TTC28: variants seen among roughly 807,000 people sequenced by gnomAD.
TTC28 encodes the protein tetratricopeptide repeat protein 28.
Under a neutral mutation model 198.0 loss-of-function variants are expected in TTC28, and 61 were observed. That is an observed-to-expected ratio of 0.31 (90% CI 0.25 to 0.38). The LOEUF is 0.38. Among genes scored for constraint, TTC28 ranks in the 10% least tolerant of loss-of-function variants. TTC28 has a pLI of 1.00. For missense variants in TTC28, 2,678 were observed against 3,164.0 expected (o/e 0.85, Z 3.69); for synonymous variants, 1,171 against 1,297.8 (o/e 0.90, Z 2.10).
intron 2 of TTC28, among the ~76,000 whole-genome samples, chr22:28,335,518 C>A (rs896570456): frequency 6.7e-6 from 1 of 149,800 alleles, no homozygotes. Context: ...GTTTGTTGGG[C>A]AGTGGTTTGT....
At chr22:28,187,067 A>G (rs1924265678) in intron 5 of TTC28, among the ~76,000 whole-genome samples, 1 of 152,198 alleles carries the variant, frequency 6.6e-6, no homozygotes, top group Admixed American at 6.5e-5. Flanking sequence ...TTTGTTTCCC[A>G]AATTCTAAGA....
chr22:28,309,779 C>G (rs1372553682), intron 2 of TTC28, among the ~76,000 whole-genome samples: 1 of 152,070 alleles, frequency 6.6e-6, no homozygotes, highest in African/African-American at 2.4e-5. Context: ...ACACCACATA[C>G]TGGTCATTGG....
chr22:28,641,537 G>A (rs1296081047), intron 1 of TTC28, among the ~76,000 whole-genome samples: 4 of 152,134 alleles, frequency 2.6e-5, no homozygotes, highest in Non-Finnish European at 5.9e-5. Context: ...GACTCTTAAT[G>A]GCACCAGATT....
At chr22:28,527,147 C>T (rs2049018281) in intron 2 of TTC28, among the ~76,000 whole-genome samples, 1 of 152,166 alleles carries the variant, frequency 6.6e-6, no homozygotes, top group African/African-American at 2.4e-5. Context: ...GTGCTGAGAA[C>T]ATATAGTCTA....
intron 12 of TTC28, among the ~76,000 whole-genome samples, chr22:28,061,733 A>G (rs954751225): frequency 1.3e-5 from 2 of 152,200 alleles, no homozygotes; most frequent in African/African-American, 4.8e-5. Flanking sequence ...ACTTTAAAGT[A>G]GTTTTTTCCA....
chr22:28,154,649 C>T (rs1205664464), intron 6 of TTC28, among the ~76,000 whole-genome samples: 1 of 152,056 alleles, frequency 6.6e-6, no homozygotes, highest in Non-Finnish European at 1.5e-5. Context: ...AGCCACCACG[C>T]TCAGAAGATG....
chr22:28,192,257 G>A (rs987990520), intron 5 of TTC28, among the ~76,000 whole-genome samples: 26 of 151,984 alleles, frequency 1.7e-4, no homozygotes, highest in Non-Finnish European at 2.4e-4. Context: ...ACTAACAAAC[G>A]GAAAGGACAT....
chr22:28,311,195 T>C (rs537607246), intron 2 of TTC28, among the ~76,000 whole-genome samples: 78 of 149,316 alleles, frequency 5.2e-4, no homozygotes, highest in Non-Finnish European at 1.0e-3. Context: ...ATATATGCTT[T>C]CCATATAATC....
At chr22:28,548,860 A>G (rs2049599033) in intron 2 of TTC28, among the ~76,000 whole-genome samples, 1 of 152,060 alleles carries the variant, frequency 6.6e-6, no homozygotes, top group Non-Finnish European at 1.5e-5. Flanking sequence ...TCACATCCAA[A>G]TCCTACCAAT....
intron 2 of TTC28, among the ~76,000 whole-genome samples, chr22:28,544,574 A>G (rs2145941849): frequency 6.6e-6 from 1 of 152,310 alleles, no homozygotes; most frequent in South Asian, 2.1e-4. Context: ...GCTGGGCTGC[A>G]TTCCCAGGAG....
Position 28,169,810 on chromosome 22 carries a change from T to C in TTC28, c.934-6211A>G, listed in dbSNP as rs191181715. 2.2e-3 allele frequency among the ~76,000 whole-genome samples: 340 copies of C among 151,794 alleles called. 3 individuals are homozygous for C. The highest frequency in any genetic ancestry group is 7.8e-3 in the African/African-American group (321 of 41,404). On this transcript the variant is annotated intron_variant, in intron 5 of 22. Coordinates refer to ENST00000397906, the MANE Select transcript of TTC28 (RefSeq NM_001145418.2). ...CATTGTGCACATGTACCCTAAAACTTAAAGTATAATAATAATAAAATAAAA... is the reference window on the plus strand; with the variant it reads ...CATTGTGCACATGTACCCTAAAACTCAAAGTATAATAATAATAAAATAAAA...
At chr22:28,323,154 C>G (rs911089994) in intron 2 of TTC28, among the ~76,000 whole-genome samples, 2 of 152,164 alleles carry the variant, frequency 1.3e-5, no homozygotes, top group Non-Finnish European at 2.9e-5. Context: ...TCAGGCTAGT[C>G]ACTTAACTTT....
chr22:28,308,907 A>G (rs2045199124), intron 2 of TTC28, among the ~76,000 whole-genome samples: 1 of 152,198 alleles, frequency 6.6e-6, no homozygotes, highest in South Asian at 2.1e-4. Context: ...AAGATAGCAT[A>G]ATGAGTACAG....
chr22:28,585,323 G>A (rs542390624), intron 2 of TTC28, among the ~76,000 whole-genome samples: 3 of 152,226 alleles, frequency 2.0e-5, no homozygotes, highest in South Asian at 2.1e-4. Context: ...GCAGCTAGAC[G>A]GTCCCATCTG....
At chr22:28,507,981 A>G (rs896463395) in intron 2 of TTC28, among the ~76,000 whole-genome samples, 3 of 152,198 alleles carry the variant, frequency 2.0e-5, no homozygotes, top group African/African-American at 7.2e-5. Context: ...CAGTGACACT[A>G]TGAAGCAATC....
intron 12 of TTC28, among the ~76,000 whole-genome samples, chr22:28,069,925 A>AACAC (rs60436240): frequency 0.066 from 9,346 of 142,014 alleles, 307 homozygotes; most frequent in South Asian, 0.099. Context: ...AGGTTGTACA[A>AACAC]ACACACACAC....
chr22:28,161,918 G>GGAGA (rs1921261816), intron 6 of TTC28, among the ~76,000 whole-genome samples: 1 of 144,686 alleles, frequency 6.9e-6, no homozygotes, highest in Non-Finnish European at 1.5e-5. Flanking sequence ...AGGGAGGGAG[G>GGAGA]GAAGGAGGGA....
chr22:27,996,066 A>G (rs1310298760), intron 17 of TTC28, 69 bp downstream of exon 17: 14 of 1,502,488 alleles, frequency 9.3e-6, no homozygotes, highest in Middle Eastern at 3.4e-4. Flanking sequence ...GTGTAGGGAA[A>G]CCCTTGCCTT....
At chr22:28,669,813 AAG>A (rs1450132649) in intron 1 of TTC28, among the ~76,000 whole-genome samples, 1 of 152,182 alleles carries the variant, frequency 6.6e-6, no homozygotes, top group African/African-American at 2.4e-5. Context: ...TAGGAGATGT[AAG>A]AGAGTCTACA....
Sources: gnomAD v4.1 joint callset for allele counts (sites outside exome capture counted in the v4.1 genomes callset) on GRCh38, gnomAD v4.1.1 for gene constraint, MANE v1.5 for transcripts, NCBI Gene and HGNC (gene_info 2026-07-23, HGNC 2026-07-21) for gene names.